HSD17B6: variants seen among roughly 807,000 people sequenced by gnomAD.
HSD17B6 encodes the protein 17-beta-hydroxysteroid dehydrogenase type 6.
HSD17B6 carries 16 observed loss-of-function variants against 26.4 expected under a neutral mutation model. That is an observed-to-expected ratio of 0.61 (90% CI 0.41 to 0.92). The LOEUF (loss-of-function observed/expected upper bound fraction) is 0.92, where lower values mean the gene tolerates loss of function less well. Ranked by LOEUF, HSD17B6 falls within the 40% of genes least tolerant of loss-of-function variation. The pLI is 0.00. For missense variants in HSD17B6, 357 were observed against 386.1 expected (o/e 0.92, Z 0.63); for synonymous variants, 139 against 153.0 (o/e 0.91, Z 0.68).
intron 1 of HSD17B6, among the ~76,000 whole-genome samples, chr12:56,767,582 T>C (rs909502235): frequency 6.9e-6 from 1 of 145,262 alleles, no homozygotes; most frequent in African/African-American, 2.5e-5. Context: ...CTCTATTGTG[T>C]ATATATATTA....
At chr12:56,780,815 C>T (rs973241716) in intron 2 of HSD17B6, among the ~76,000 whole-genome samples, 3 of 144,060 alleles carry the variant, frequency 2.1e-5, no homozygotes, top group Non-Finnish European at 4.5e-5. Flanking sequence ...CGCCACTGCA[C>T]TCCAGCCTGG....
intron 4 of HSD17B6, 84 bp from the exon 5 acceptor site, chr12:56,787,041 G>A: frequency 1.0e-6 from 1 of 993,152 alleles, no homozygotes; most frequent in South Asian, 1.5e-5. Flanking sequence ...GTAGAAATTA[G>A]ATGTGGTGAG....
chr12:56,781,482 G>A (rs1158883766), intron 2 of HSD17B6, among the ~76,000 whole-genome samples: 1 of 152,098 alleles, frequency 6.6e-6, no homozygotes. Flanking sequence ...GTATTTTAAT[G>A]AATATTTTCA....
At chr12:56,770,025 C>T (rs115310950) in intron 1 of HSD17B6, among the ~76,000 whole-genome samples, 132 of 152,256 alleles carry the variant, frequency 8.7e-4, no homozygotes, top group African/African-American at 3.0e-3. Flanking sequence ...CAGGTTGAAG[C>T]TCTCTGTGTT....
chr12:56,770,639 T>C (rs1025765456), intron 1 of HSD17B6: 7 of 152,190 alleles, frequency 4.6e-5, no homozygotes, highest in African/African-American at 1.7e-4. Context: ...CTATGTGCCA[T>C]TCACTGGGCC....
intron 1 of HSD17B6, among the ~76,000 whole-genome samples, chr12:56,772,710 A>G (rs553452026): frequency 1.7e-5 from 2 of 116,666 alleles, no homozygotes; most frequent in Non-Finnish European, 3.5e-5. Context: ...AAAAAAAAAA[A>G]AAAGAAAAAA....
In HSD17B6 at chr12:56,783,869, C is replaced by T. The variant is rs185999280; in HGVS notation, c.573-984C>T. Among the ~76,000 whole-genome samples the T allele has an allele frequency of 1.8e-3, 277 of 152,190 alleles. 5 individuals are homozygous for T. Among genetic ancestry groups the T allele is most frequent in the Admixed American group, 0.017 (263 of 15,296 alleles). ...GTGGCTGCCGGGCGGAGACGCTCCT[C>T]ACTTCCCAGACGGGGTGGCAGCCAG... On this transcript the variant is annotated intron_variant, in intron 3 of 4. Transcript: ENST00000322165.
intron 1 of HSD17B6, among the ~76,000 whole-genome samples, chr12:56,764,003 A>G (rs1954263426): frequency 7.2e-6 from 1 of 137,968 alleles, no homozygotes. Context: ...CAGGAGGTCG[A>G]GGCTACAGTG....
chr12:56,772,788 C>T (rs1183681252), intron 1 of HSD17B6, among the ~76,000 whole-genome samples: 3 of 150,972 alleles, frequency 2.0e-5, no homozygotes, highest in Admixed American at 6.6e-5. Context: ...TATGCAGAGG[C>T]GTAAAAAGCC....
intron 1 of HSD17B6, among the ~76,000 whole-genome samples, chr12:56,772,786 G>T (rs191544927): frequency 8.5e-4 from 130 of 152,114 alleles, no homozygotes; most frequent in African/African-American, 3.0e-3. Context: ...TGTATGCAGA[G>T]GCGTAAAAAG....
At chr12:56,775,136 C>A (rs544765623) in intron 2 of HSD17B6, among the ~76,000 whole-genome samples, 1 of 152,148 alleles carries the variant, frequency 6.6e-6, no homozygotes, top group Non-Finnish European at 1.5e-5. Flanking sequence ...CTGTTGAGGT[C>A]TTTTGTGGCG....
At chr12:56,776,291 C>T (rs1954590908) in intron 2 of HSD17B6, among the ~76,000 whole-genome samples, 1 of 144,418 alleles carries the variant, frequency 6.9e-6, no homozygotes, top group Non-Finnish European at 1.5e-5. Flanking sequence ...TTTAAGATTC[C>T]TTCATGTCTT....
chr12:56,786,283 T>C (rs1227859043), intron 4 of HSD17B6, among the ~76,000 whole-genome samples: 2 of 145,878 alleles, frequency 1.4e-5, no homozygotes, highest in Admixed American at 7.0e-5. Flanking sequence ...AGAGTCTCGC[T>C]CTGTCACCCA....
chr12:56,787,210 G>T lies in HSD17B6; in HGVS notation c.822G>T (p.Ser274=), dbSNP rs370297301. The change falls in exon 5 of 5, where the codon TCG becomes TCT. Residue 274 remains serine (S), a synonymous_variant. Coordinates refer to ENST00000322165, the MANE Select transcript of HSD17B6 (RefSeq NM_003725.4). ...ACTGCATGGAACATGCTCTGACATC[G>T]GTGCATCCGCGAACTCGATATTCAG... is the stretch of plus-strand genomic sequence containing the variant. ...VTDCMEHALT[S]VHPRTRYSAG... is the part of the protein sequence containing the mutation. The T allele has an allele frequency of 4.5e-5, 72 of 1,613,986 alleles. No homozygotes were observed. The highest frequency in any genetic ancestry group is 4.0e-5 in the African/African-American group (3 of 74,890).
chr12:56,765,494 A>G (rs1362524932), intron 1 of HSD17B6, among the ~76,000 whole-genome samples: 1 of 151,528 alleles, frequency 6.6e-6, no homozygotes, highest in East Asian at 1.9e-4. Flanking sequence ...TTTTTTTCTT[A>G]TTATCTATTT....
chr12:56,765,187 A>C lies in HSD17B6; in HGVS notation c.-20+1773A>C, dbSNP rs561568653. Among the ~76,000 whole-genome samples, 27 of 152,126 alleles carry C rather than the reference A, an allele frequency of 1.8e-4. 1 individual carries two copies. In the South Asian group the frequency reaches 5.6e-3, roughly 32 times the overall value. The stretch of plus-strand genomic sequence containing the variant: ...TGCGGTGGCTCACGCCTGTAATCCC[A>C]GCACTTTGGGAGGCTGAGGCAGGCG... On this transcript the variant is annotated intron_variant, in intron 1 of 4. Transcript: ENST00000322165.
chr12:56,772,195 C>T (rs1351361994), intron 1 of HSD17B6, among the ~76,000 whole-genome samples: 1 of 152,130 alleles, frequency 6.6e-6, no homozygotes, highest in Non-Finnish European at 1.5e-5. Flanking sequence ...CCTTAGAAGC[C>T]TCTCCTGAGT....
intron 1 of HSD17B6, among the ~76,000 whole-genome samples, chr12:56,767,791 AATAT>A (rs962227715): frequency 6.9e-6 from 1 of 145,974 alleles, no homozygotes; most frequent in Non-Finnish European, 1.5e-5. Flanking sequence ...ATGTATATAT[AATAT>A]ATATGTGTGT....
chr12:56,771,013 C>T (rs1039478960), intron 1 of HSD17B6, among the ~76,000 whole-genome samples: 7 of 152,312 alleles, frequency 4.6e-5, no homozygotes, highest in South Asian at 2.1e-4. Flanking sequence ...GTGGTATTTA[C>T]ACTGAGGCAC....
Sources: gnomAD v4.1 joint callset for allele counts (sites outside exome capture counted in the v4.1 genomes callset) on GRCh38, gnomAD v4.1.1 for gene constraint, MANE v1.5 for transcripts, NCBI Gene and HGNC (gene_info 2026-07-23, HGNC 2026-07-21) for gene names.